Variants in GRIN2B observed in about 807,000 individuals in gnomAD.
GRIN2B encodes glutamate ionotropic receptor NMDA type subunit 2B.
A neutral mutation model predicts 114.5 loss-of-function variants in GRIN2B; 5 were observed. The ratio of observed to expected loss-of-function variants is 0.04; its 90% CI spans 0.02 to 0.09. The LOEUF (loss-of-function observed/expected upper bound fraction) is 0.09, where lower values mean the gene tolerates loss of function less well. Ranked by LOEUF, GRIN2B falls within the 10% of genes least tolerant of loss-of-function variation. The probability of loss-of-function intolerance (pLI) is 1.00; values close to 1 mark genes in which losing one functional copy is unlikely to be tolerated. For synonymous variants in GRIN2B, 787 were observed against 745.1 expected (o/e 1.06, Z -0.92); for missense variants, 1,108 against 1,943.5 (o/e 0.57, Z 8.08).
At chr12:13,832,550 C>A (rs1865169783) in intron 3 of GRIN2B, among the ~76,000 whole-genome samples, 1 of 152,194 alleles carries the variant, frequency 6.6e-6, no homozygotes, top group South Asian at 2.1e-4. Flanking sequence ...ACACAGCAGG[C>A]ACTCAATAAA....
At chr12:13,847,240 A>G (rs1865486686) in intron 3 of GRIN2B, among the ~76,000 whole-genome samples, 1 of 152,190 alleles carries the variant, frequency 6.6e-6, no homozygotes, top group Non-Finnish European at 1.5e-5. Context: ...GATATCCCTT[A>G]TCAATAAATT....
At chr12:13,694,299 A>T (rs1950239536) in intron 4 of GRIN2B, among the ~76,000 whole-genome samples, 1 of 152,112 alleles carries the variant, frequency 6.6e-6, no homozygotes, top group Admixed American at 6.6e-5. Flanking sequence ...CCAAAACAAA[A>T]TAATTGTATA....
intron 3 of GRIN2B, among the ~76,000 whole-genome samples, chr12:13,804,221 C>A (rs1332331362): frequency 8.1e-6 from 1 of 124,154 alleles, no homozygotes; most frequent in Non-Finnish European, 1.7e-5. Context: ...CTCATTTAAT[C>A]CTCTGTGGAC....
At chr12:13,697,559 G>A (rs915478509) in intron 4 of GRIN2B, among the ~76,000 whole-genome samples, 2 of 152,136 alleles carry the variant, frequency 1.3e-5, no homozygotes, top group East Asian at 1.9e-4. Flanking sequence ...ACTAGAGTGC[G>A]GGGGCTGGAA....
intron 5 of GRIN2B, among the ~76,000 whole-genome samples, chr12:13,646,843 A>C (rs751853616): frequency 2.0e-4 from 31 of 151,974 alleles, no homozygotes; most frequent in Non-Finnish European, 3.5e-4. Context: ...ATTTCTTCTT[A>C]ACACACTTGA....
intron 3 of GRIN2B, among the ~76,000 whole-genome samples, chr12:13,856,249 T>C (rs924032401): frequency 3.3e-5 from 5 of 152,112 alleles, no homozygotes; most frequent in Non-Finnish European, 5.9e-5. Flanking sequence ...AATAATTTAG[T>C]GTGGCTTGAC....
At chr12:13,721,494 G>A (rs753486442) in intron 4 of GRIN2B, among the ~76,000 whole-genome samples, 3 of 152,052 alleles carry the variant, frequency 2.0e-5, no homozygotes, top group Non-Finnish European at 2.9e-5. Context: ...ATGGACTTAT[G>A]TGTTGGATAT....
chr12:13,932,692 G>A (rs890609748), intron 2 of GRIN2B, among the ~76,000 whole-genome samples: 21 of 152,286 alleles, frequency 1.4e-4, no homozygotes, highest in South Asian at 2.1e-4. Flanking sequence ...AAGACTAAGT[G>A]AGAGAGATTT....
intron 10 of GRIN2B, among the ~76,000 whole-genome samples, chr12:13,580,989 T>G (rs992550766): frequency 6.6e-6 from 1 of 152,360 alleles, no homozygotes; most frequent in South Asian, 2.1e-4. Flanking sequence ...GGCCTTTGCA[T>G]GTATCTGTAG....
At chr12:13,619,624 A>G (rs182253509) in intron 5 of GRIN2B, among the ~76,000 whole-genome samples, 1 of 152,304 alleles carries the variant, frequency 6.6e-6, no homozygotes, top group Admixed American at 6.5e-5. Context: ...CTGCAAACCG[A>G]TTCTGTGCCA....
intron 2 of GRIN2B, among the ~76,000 whole-genome samples, chr12:13,937,269 A>C (rs1309415889): frequency 6.6e-6 from 1 of 151,986 alleles, no homozygotes; most frequent in Non-Finnish European, 1.5e-5. Context: ...AAATTTCCCG[A>C]ATGCCAATTT....
chr12:13,897,159 A>G (rs1255723105), intron 2 of GRIN2B, among the ~76,000 whole-genome samples: 4 of 152,176 alleles, frequency 2.6e-5, no homozygotes, highest in Non-Finnish European at 5.9e-5. Flanking sequence ...AAGAACTAGG[A>G]AAAGCCTGAT....
At position 13,948,108 on chromosome 12, in the gene GRIN2B, A is replaced by G. The variant is rs1867397848; in HGVS notation, c.-19+31820T>C. On this transcript the variant is annotated intron_variant, in intron 2 of 13. Transcript: ENST00000609686. The stretch of plus-strand genomic sequence containing the variant: ...TGCCATTGGGGAAGGATAAGATGGT[A>G]TCTAAAAGTAGCACATGCATAAATA... 4.6e-5 allele frequency among the ~76,000 whole-genome samples: 7 copies of G among 152,344 alleles called. No individual in the cohort carries two copies. The South Asian group carries it at 1.4e-3, about 32-fold the overall frequency.
In GRIN2B at chr12:13,544,912, G is replaced by T. The variant is rs1948324715; in HGVS notation, c.*17871C>A. On this transcript the variant is annotated 3_prime_UTR_variant, in exon 14 of 14. Coordinates refer to ENST00000609686, the MANE Select transcript of GRIN2B (RefSeq NM_000834.5). ...ATACTCTCAACACAGCAGTCCCAAA[G>T]CTTCCTCTTCAACTGAAGTCAGATC... 1 of 152,186 alleles carries T rather than the reference G, an allele frequency of 6.6e-6. No individual in the cohort carries two copies. The highest frequency in any genetic ancestry group is 1.5e-5 in the Non-Finnish European group (1 of 68,066). 9.4% of individuals were successfully genotyped at this position (152,186 alleles called of 1,614,324 possible). A position where few individuals can be genotyped will look rare whatever the true frequency, so the allele number is the denominator to read the frequency against.
At chr12:13,888,658 C>A (rs902922848) in intron 2 of GRIN2B, among the ~76,000 whole-genome samples, 2 of 151,088 alleles carry the variant, frequency 1.3e-5, no homozygotes, top group Non-Finnish European at 2.9e-5. Flanking sequence ...CACTTGAACT[C>A]GGGAGGTGGA....
At chr12:13,880,402 C>A (rs777746259) in intron 2 of GRIN2B, among the ~76,000 whole-genome samples, 9 of 152,314 alleles carry the variant, frequency 5.9e-5, no homozygotes, top group Non-Finnish European at 1.3e-4. Context: ...GCTCAGCTGG[C>A]GCTCGGACTT....
At chr12:13,732,312 T>C (rs565197485) in intron 4 of GRIN2B, among the ~76,000 whole-genome samples, 4 of 152,340 alleles carry the variant, frequency 2.6e-5, no homozygotes, top group East Asian at 1.9e-4. Context: ...AAACACCACA[T>C]TTATCTCCCA....
chr12:13,580,854 A>C (rs955312753), intron 10 of GRIN2B, among the ~76,000 whole-genome samples: 1 of 152,158 alleles, frequency 6.6e-6, no homozygotes, highest in African/African-American at 2.4e-5. Context: ...TTTGCTCTTA[A>C]CCTCCAGCCA....
At position 13,539,532 on chromosome 12, in the gene GRIN2B, T is replaced by G. The variant is rs1948251824; in HGVS notation, c.*23251A>C. ...CCATATATAAAGCCAGTAACAGGAC[T>G]GGGACTGGGAGTGGGGTGGGAAACA... On this transcript the variant is annotated 3_prime_UTR_variant, in exon 14 of 14. Coordinates refer to ENST00000609686, the MANE Select transcript of GRIN2B (RefSeq NM_000834.5). 6.6e-6 allele frequency: 1 copy of G among 152,196 alleles called. No individual in the cohort carries two copies. Among genetic ancestry groups the G allele is most frequent in the Non-Finnish European group, 1.5e-5 (1 of 68,036 alleles). 9.4% of individuals were successfully genotyped at this position (152,196 alleles called of 1,614,324 possible).
Sources: allele counts gnomAD v4.1 joint callset (sites outside exome capture counted in the v4.1 genomes callset), GRCh38; gene constraint gnomAD v4.1.1; transcripts MANE v1.5; gene names NCBI Gene and HGNC (gene_info 2026-07-23, HGNC 2026-07-21).